The following MTAP variants were observed in gnomAD, a reference collection of about 807,000 sequenced individuals.
MTAP encodes methylthioadenosine phosphorylase, also known as S-methyl-5'-thioadenosine phosphorylase.
Under a neutral mutation model 33.6 loss-of-function variants are expected in MTAP, and 33 were observed. The observed-to-expected ratio is 0.98, with a 90% CI of 0.74 to 1.31. The LOEUF (loss-of-function observed/expected upper bound fraction) is 1.31, where lower values mean the gene tolerates loss of function less well. Ranked by LOEUF, MTAP falls within the 40% of genes most tolerant of loss-of-function variation. MTAP has a pLI of 0.00. For missense variants in MTAP, 367 were observed against 360.0 expected (o/e 1.02, Z -0.16); for synonymous variants, 148 against 125.7 (o/e 1.18, Z -1.19).
intron 4 of MTAP, among the ~76,000 whole-genome samples, chr9:21,829,240 T>C (rs1824903215): frequency 6.6e-6 from 1 of 152,182 alleles, no homozygotes; most frequent in Admixed American, 6.5e-5. Flanking sequence ...TGTAACATCC[T>C]GTAAAGCCAC....
At position 21,863,997 on chromosome 9, in the gene MTAP, C is replaced by T. The variant is rs1199483347; in HGVS notation, c.*1983C>T. On this transcript the variant is annotated 3_prime_UTR_variant, in exon 8 of 8. Transcript: ENST00000644715. ...TTAATGAACCTGAACCCAGGCTTCT[C>T]TAGCTCTGGTAACGTGTGATTGTTT... 3 of 985,622 alleles carry T rather than the reference C, an allele frequency of 3.0e-6. No homozygotes were observed. The African/African-American group carries it at 5.2e-5, about 17-fold the overall frequency. The allele number at this position is 985,622 out of a possible 1,614,324, so 61.1% of individuals were successfully genotyped here. A position where few individuals can be genotyped will look rare whatever the true frequency, so the allele number is the denominator to read the frequency against.
chr9:21,904,267 G>T (rs939651991), intron 1 of MTAP, among the ~76,000 whole-genome samples: 2 of 152,206 alleles, frequency 1.3e-5, no homozygotes, highest in African/African-American at 4.8e-5. Flanking sequence ...GCCTGCGAGG[G>T]TGTCAGGCAC....
At chr9:21,824,571 C>G (rs1183255314) in intron 4 of MTAP, among the ~76,000 whole-genome samples, 1 of 152,222 alleles carries the variant, frequency 6.6e-6, no homozygotes, top group Non-Finnish European at 1.5e-5. Context: ...AGGAGGCAGT[C>G]TGTCCATTCT....
At chr9:21,846,473 AAC>A (rs1435636803) in intron 5 of MTAP, among the ~76,000 whole-genome samples, 1 of 152,194 alleles carries the variant, frequency 6.6e-6, no homozygotes, top group African/African-American at 2.4e-5. Context: ...ACACATGGCC[AAC>A]ACACATGAAA....
chr9:21,910,860 T>C (rs1351255237), intron 1 of MTAP, among the ~76,000 whole-genome samples: 1 of 152,100 alleles, frequency 6.6e-6, no homozygotes, highest in East Asian at 1.9e-4. Context: ...TCCCCCAGCC[T>C]TTGGAAACCA....
chr9:21,901,774 T>C (rs1344240685), intron 1 of MTAP, among the ~76,000 whole-genome samples: 2 of 152,192 alleles, frequency 1.3e-5, no homozygotes, highest in Non-Finnish European at 2.9e-5. Flanking sequence ...TGACATTTTC[T>C]CATAGGCTAT....
At chr9:21,871,782 C>T (rs1825941754), downstream of MTAP, among the ~76,000 whole-genome samples, 1 of 152,118 alleles carries the variant, frequency 6.6e-6, no homozygotes, top group Non-Finnish European at 1.5e-5. Context: ...TCATATTACT[C>T]ATAGGCCATT....
chr9:21,928,306 T>C (rs1319917064), intron 1 of MTAP, among the ~76,000 whole-genome samples: 1 of 152,190 alleles, frequency 6.6e-6, no homozygotes, highest in East Asian at 1.9e-4. Context: ...AATTATTCAA[T>C]AGGTTTGTCA....
chr9:21,812,213 G>T (rs1587198534), intron 1 of MTAP: 1 of 216,582 alleles, frequency 4.6e-6, no homozygotes, highest in South Asian at 7.9e-5. Context: ...AGTCAGCATT[G>T]AGTTGGCCAG....
chr9:21,819,384 T>C (rs1401643106), intron 4 of MTAP, among the ~76,000 whole-genome samples: 1 of 152,134 alleles, frequency 6.6e-6, no homozygotes, highest in Non-Finnish European at 1.5e-5. Flanking sequence ...AGTCAGAACA[T>C]GCGGAGTTTG....
At chr9:21,918,701 G>A (rs1283843614) in intron 1 of MTAP, among the ~76,000 whole-genome samples, 4 of 152,100 alleles carry the variant, frequency 2.6e-5, no homozygotes, top group Non-Finnish European at 5.9e-5. Context: ...TGCTGTTCTC[G>A]TGATAGTGAA....
chr9:21,818,297 C>G, intron 4 of MTAP, 95 bp downstream of exon 4: 2 of 613,874 alleles, frequency 3.3e-6, no homozygotes, highest in African/African-American at 2.1e-5. Flanking sequence ...ACTGGGAGGG[C>G]AGTGCCACAG....
chr9:21,905,738 G>A (rs1040250082), intron 1 of MTAP, among the ~76,000 whole-genome samples: 3 of 152,172 alleles, frequency 2.0e-5, no homozygotes, highest in Admixed American at 6.5e-5. Flanking sequence ...GGTTATACCT[G>A]CTGCTCCCTG....
Position 21,814,760 on chromosome 9 carries a change from A to G in MTAP, c.34-673A>G, listed in dbSNP as rs145039477. 4.9e-3 allele frequency among the ~76,000 whole-genome samples: 745 copies of G among 152,348 alleles called. 13 individuals are homozygous for G. Among genetic ancestry groups the G allele is most frequent in the African/African-American group, 0.017 (707 of 41,588 alleles). On this transcript the variant is annotated intron_variant, in intron 1 of 7. Transcript: ENST00000644715. The stretch of plus-strand genomic sequence containing the variant: ...TATATTTGCATAAATGTATTTACTG[A>G]GTAATATACATGAGTATGCTATATG...
intron 1 of MTAP, among the ~76,000 whole-genome samples, chr9:21,912,939 AG>A (rs1818605080): frequency 6.6e-6 from 1 of 152,248 alleles, no homozygotes; most frequent in South Asian, 2.1e-4. Context: ...GCAAAGTCTC[AG>A]GATACAAAAT....
intron 5 of MTAP, among the ~76,000 whole-genome samples, chr9:21,844,162 C>G (rs1825319656): frequency 6.6e-6 from 1 of 152,090 alleles, no homozygotes; most frequent in South Asian, 2.1e-4. Context: ...ATATACCACC[C>G]TCCCCAATTA....
Position 21,837,927 on chromosome 9 carries a change from T to G in MTAP, c.367T>G (p.Ser123Ala). The G allele has an allele frequency of 6.2e-7, 1 of 1,614,116 alleles. No homozygotes were observed. Among genetic ancestry groups the G allele is most frequent in the Non-Finnish European group, 8.5e-7 (1 of 1,179,962 alleles). ...FIDRTTMRPQ[S>A]FYDGSHSCAR... The stretch of plus-strand genomic sequence containing the variant: ...TTGTAGGACCACTATGAGACCTCAG[T>G]CCTTCTATGATGGAAGTCATTCTTG... The change falls in exon 5 of 8, where the codon TCC (serine) becomes GCC (alanine). Residue 123 changes from serine to alanine, a missense_variant. Physicochemically the swap from Ser to Ala is moderately conservative, Grantham distance 99. Coordinates refer to ENST00000644715, the MANE Select transcript of MTAP (RefSeq NM_002451.4).
Position 21,854,722 on chromosome 9 carries a change from C to A in MTAP, c.542C>A (p.Ala181Glu). The A allele has an allele frequency of 6.2e-7, 1 of 1,614,132 alleles. No homozygotes were observed. The highest frequency in any genetic ancestry group is 8.5e-7 in the Non-Finnish European group (1 of 1,179,974). ...GAGGGACCTCGTTTTAGCTCCCGGG[C>A]AGAAAGCTTCATGTTCCGCACCTGG... Reference protein sequence around the residue: ...TIEGPRFSSRAESFMFRTWGA... With the variant: ...TIEGPRFSSREESFMFRTWGA... The change falls in exon 6 of 8, where the codon GCA (alanine) becomes GAA (glutamate). Residue 181 changes from alanine (A) to glutamate (E), a missense_variant. Transcript: ENST00000644715.
chr9:21,919,867 G>A (rs1367336108), intron 1 of MTAP, among the ~76,000 whole-genome samples: 1 of 152,074 alleles, frequency 6.6e-6, no homozygotes, highest in Admixed American at 6.6e-5. Context: ...AAAAAGTGTG[G>A]CTTGCTGCCA....
Sources: allele counts gnomAD v4.1 joint callset (sites outside exome capture counted in the v4.1 genomes callset), GRCh38; gene constraint gnomAD v4.1.1; transcripts MANE v1.5; gene names NCBI Gene and HGNC (gene_info 2026-07-23, HGNC 2026-07-21).